Variants in TUG1 observed in about 807,000 individuals in gnomAD.
TUG1 encodes taurine up-regulated 1, also known as taurine upregulated gene 1.
chr22:30,974,896 A>G (rs1315104313), intron 2 of TUG1: 2 of 152,216 alleles, frequency 1.3e-5, no homozygotes, highest in Admixed American at 1.3e-4. Context: ...TCATCCAGCC[A>G]TGGACTTCTT....
chr22:30,972,050 A>G (rs1488567812), intron 1 of TUG1: 1 of 152,252 alleles, frequency 6.6e-6, no homozygotes. Flanking sequence ...CTTTGCAGAT[A>G]GCAGACTCCT....
chr22:30,970,698 T>C (rs1024494460), exon 1 of TUG1: 5 of 152,152 alleles, frequency 3.3e-5, no homozygotes, highest in Non-Finnish European at 7.3e-5. Context: ...GGCTGTGTGG[T>C]TGGTGGTGAA....
At chr22:30,978,157 G>C (rs1177321133) in exon 3 of TUG1, 1 of 152,128 alleles carries the variant, frequency 6.6e-6, no homozygotes, top group African/African-American at 2.4e-5. Flanking sequence ...GATGTAGAAG[G>C]CTAGTTGTCT....
chr22:30,976,994 C>G (rs1569213554), exon 3 of TUG1: 1 of 152,184 alleles, frequency 6.6e-6, no homozygotes, highest in Non-Finnish European at 1.5e-5. Context: ...CTACTACCTT[C>G]CAATTGTCAG....
At chr22:30,975,387 TC>T (rs905121395) in exon 3 of TUG1, 4 of 152,270 alleles carry the variant, frequency 2.6e-5, no homozygotes, top group Non-Finnish European at 5.9e-5. Flanking sequence ...CTTGAACTCT[TC>T]CGAACACAGT....
intron 2 of TUG1, chr22:30,974,891 C>T (rs1311137037): frequency 6.6e-6 from 1 of 152,110 alleles, no homozygotes; most frequent in Admixed American, 6.6e-5. Flanking sequence ...AGAAGTCATC[C>T]AGCCATGGAC....
intron 1 of TUG1, chr22:30,972,601 T>C (rs1450110580): frequency 1.3e-5 from 2 of 152,484 alleles, no homozygotes; most frequent in Non-Finnish European, 2.9e-5. Flanking sequence ...TCTCCTAAAG[T>C]ATAAGGCTTA....
chr22:30,975,778 T>C (rs1381589499), exon 3 of TUG1: 1 of 152,218 alleles, frequency 6.6e-6, no homozygotes, highest in African/African-American at 2.4e-5. Context: ...ACCTGAATTA[T>C]CAGCAAGCGG....
chr22:30,976,142 T>C (rs939959589), exon 3 of TUG1: 2 of 152,046 alleles, frequency 1.3e-5, no homozygotes, highest in Non-Finnish European at 2.9e-5. Flanking sequence ...TTATTATGAC[T>C]ATTCAGCTCA....
chr22:30,979,144 A>AT (rs758844803), exon 3 of TUG1: 3 of 152,200 alleles, frequency 2.0e-5, no homozygotes, highest in Non-Finnish European at 2.9e-5. Context: ...AATAAAGTAC[A>AT]TTCATTGTGT....
At chr22:30,976,113 A>G (rs1337898897) in exon 3 of TUG1, 1 of 151,234 alleles carries the variant, frequency 6.6e-6, no homozygotes, top group African/African-American at 2.4e-5. Context: ...TCACTGGCAT[A>G]TCTGCCTATT....
intron 2 of TUG1, chr22:30,974,368 C>T (rs969139375): frequency 2.7e-5 from 4 of 148,374 alleles, no homozygotes; most frequent in African/African-American, 7.5e-5. Flanking sequence ...AAAAAGACTT[C>T]TAGTAAAGAG....
chr22:30,971,347 A>G (rs1250701389), exon 1 of TUG1: 9 of 152,432 alleles, frequency 5.9e-5, no homozygotes, highest in Non-Finnish European at 8.8e-5. Flanking sequence ...ATGTACCTCA[A>G]AAGACTTAAG....
At chr22:30,976,412 A>G (rs1270428510) in exon 3 of TUG1, 4 of 152,202 alleles carry the variant, frequency 2.6e-5, no homozygotes, top group Admixed American at 6.5e-5. Flanking sequence ...CTTATTGCCT[A>G]CCTTTTTGCT....
At chr22:30,971,762 C>T (rs183675960) in exon 1 of TUG1, 2 of 152,878 alleles carry the variant, frequency 1.3e-5, no homozygotes, top group East Asian at 3.9e-4. Flanking sequence ...GAGGATGCTC[C>T]ATCCAAAGTG....
At chr22:30,971,804 T>G (rs1465446354) in intron 1 of TUG1, 25 bp downstream of exon 1, 1 of 152,438 alleles carries the variant, frequency 6.6e-6, no homozygotes, top group Non-Finnish European at 1.5e-5. Flanking sequence ...CCAAAATGCC[T>G]TATCCTTTAC....
intron 2 of TUG1, 105 bp from the exon 3 acceptor site, chr22:30,975,065 A>G (rs1471642195): frequency 6.6e-6 from 1 of 152,242 alleles, no homozygotes; most frequent in Non-Finnish European, 1.5e-5. Context: ...AACTCCATCA[A>G]CCTGTAATGT....
At chr22:30,969,354 G>A (rs1330814467) in exon 1 of TUG1, 1 of 152,504 alleles carries the variant, frequency 6.6e-6, no homozygotes, top group Non-Finnish European at 1.5e-5. Context: ...AATCGAAGAA[G>A]CCCTGGCGCG....
intron 1 of TUG1, chr22:30,972,653 G>A (rs745861822): frequency 2.0e-5 from 3 of 152,642 alleles, no homozygotes; most frequent in Non-Finnish European, 2.9e-5. Context: ...CACAAATCGA[G>A]AGTGTTAATC....
Sources: gnomAD v4.1 joint callset for allele counts on GRCh38, gnomAD v4.1.1 for gene constraint, MANE v1.5 for transcripts, NCBI Gene and HGNC (gene_info 2026-07-23, HGNC 2026-07-21) for gene names.